Variants in EXOC4 observed in about 807,000 individuals in gnomAD.
EXOC4 encodes the protein SEC8-like 1.
A neutral mutation model predicts 107.2 loss-of-function variants in EXOC4; 71 were observed. The observed-to-expected ratio is 0.66, with a 90% CI of 0.55 to 0.81. EXOC4 has a LOEUF of 0.81. Among genes scored for constraint, EXOC4 ranks in the 30% least tolerant of loss-of-function variants. The pLI is 0.00. For synonymous variants in EXOC4, 456 were observed against 441.2 expected, an observed-to-expected ratio of 1.03 and a Z score of -0.42; for missense variants, 1,108 against 1,189.6, an observed-to-expected ratio of 0.93 and a Z score of 1.01.
chr7:133,502,691 G>A (rs756531041), intron 9 of EXOC4, among the ~76,000 whole-genome samples: 10 of 152,088 alleles, frequency 6.6e-5, no homozygotes, highest in South Asian at 2.1e-4. Context: ...TAAGGCAACC[G>A]CAGGTTTGCT....
At chr7:133,832,997 A>G (rs894439981) in intron 11 of EXOC4, among the ~76,000 whole-genome samples, 2 of 152,186 alleles carry the variant, frequency 1.3e-5, no homozygotes, top group Non-Finnish European at 2.9e-5. Context: ...GCTCTCCTAT[A>G]GAAAATATAA....
intron 10 of EXOC4, among the ~76,000 whole-genome samples, chr7:133,806,076 C>A (rs1166379846): frequency 6.6e-6 from 1 of 152,212 alleles, no homozygotes; most frequent in African/African-American, 2.4e-5. Context: ...ATAATTCTTT[C>A]ACTGGGGGTG....
intron 7 of EXOC4, among the ~76,000 whole-genome samples, chr7:133,458,170 C>T (rs1279019676): frequency 6.6e-6 from 1 of 152,146 alleles, no homozygotes; most frequent in East Asian, 1.9e-4. Flanking sequence ...TCATCTCATT[C>T]ATTATTGCAC....
At chr7:133,821,736 A>C (rs1372231498) in intron 11 of EXOC4, among the ~76,000 whole-genome samples, 2 of 152,222 alleles carry the variant, frequency 1.3e-5, no homozygotes, top group African/African-American at 2.4e-5. Context: ...CTTTTACCCC[A>C]GTGCCTAAAG....
chr7:133,493,484 A>G (rs1202215911), intron 9 of EXOC4, among the ~76,000 whole-genome samples: 4 of 152,216 alleles, frequency 2.6e-5, no homozygotes, highest in Non-Finnish European at 5.9e-5. Flanking sequence ...TTAAGTACAG[A>G]TAAATGTTAA....
intron 7 of EXOC4, among the ~76,000 whole-genome samples, chr7:133,425,831 C>A (rs1797713004): frequency 6.6e-6 from 1 of 152,194 alleles, no homozygotes; most frequent in Non-Finnish European, 1.5e-5. Flanking sequence ...GATCCCAGGT[C>A]TTTAGATAAA....
intron 10 of EXOC4, among the ~76,000 whole-genome samples, chr7:133,718,653 C>G (rs1331446762): frequency 1.3e-5 from 2 of 152,112 alleles, no homozygotes; most frequent in Non-Finnish European, 2.9e-5. Context: ...CTTAATGTCT[C>G]TAGGCCTTAG....
chr7:133,766,092 G>A (rs1031775486), intron 10 of EXOC4, among the ~76,000 whole-genome samples: 5 of 151,812 alleles, frequency 3.3e-5, no homozygotes, highest in African/African-American at 4.8e-5. Context: ...ATTCTCCAAC[G>A]CCCCTCCTTC....
chr7:133,750,044 G>T (rs1393542023), intron 10 of EXOC4, among the ~76,000 whole-genome samples: 1 of 147,838 alleles, frequency 6.8e-6, no homozygotes, highest in African/African-American at 2.5e-5. Flanking sequence ...ACCAAAATGG[G>T]ATTGCTTTAA....
At chr7:133,775,673 G>T (rs1003908653) in intron 10 of EXOC4, among the ~76,000 whole-genome samples, 3 of 152,118 alleles carry the variant, frequency 2.0e-5, no homozygotes, top group African/African-American at 7.2e-5. Flanking sequence ...AAATGTCTAA[G>T]AAAATGTACA....
At chr7:133,726,737 T>C (rs1795222960) in intron 10 of EXOC4, among the ~76,000 whole-genome samples, 1 of 152,210 alleles carries the variant, frequency 6.6e-6, no homozygotes, top group South Asian at 2.1e-4. Context: ...TCCACTTCTC[T>C]TCTAACCTGT....
At chr7:133,873,529 T>A (rs1004615969) in intron 11 of EXOC4, among the ~76,000 whole-genome samples, 2 of 152,186 alleles carry the variant, frequency 1.3e-5, no homozygotes, top group Admixed American at 6.5e-5. Flanking sequence ...ATGTTAAGTT[T>A]ATTTTCTTAG....
At chr7:133,609,842 T>G (rs1468424543) in intron 9 of EXOC4, among the ~76,000 whole-genome samples, 1 of 152,186 alleles carries the variant, frequency 6.6e-6, no homozygotes. Context: ...ATGGGTGTAG[T>G]TACACAACAG....
chr7:133,649,989 AT>A (rs1290797106), intron 10 of EXOC4, among the ~76,000 whole-genome samples: 1 of 152,168 alleles, frequency 6.6e-6, no homozygotes, highest in African/African-American at 2.4e-5. Flanking sequence ...GAAAGTTTAT[AT>A]TCCTAAGATT....
intron 7 of EXOC4, among the ~76,000 whole-genome samples, chr7:133,418,307 A>G (rs1050861295): frequency 1.3e-5 from 2 of 152,230 alleles, no homozygotes; most frequent in Non-Finnish European, 2.9e-5. Flanking sequence ...TGTGAAAGGA[A>G]TGGCAAAGTG....
At chr7:133,845,456 G>T (rs1359190033) in intron 11 of EXOC4, among the ~76,000 whole-genome samples, 1 of 147,676 alleles carries the variant, frequency 6.8e-6, no homozygotes, top group Non-Finnish European at 1.5e-5. Context: ...ATATATAAAA[G>T]AAATACAACG....
chr7:133,925,752 T>A (rs531311352), intron 13 of EXOC4, among the ~76,000 whole-genome samples: 29 of 152,222 alleles, frequency 1.9e-4, no homozygotes, highest in African/African-American at 7.0e-4. Context: ...TCTTGAAAGA[T>A]GCACAATAAA....
intron 7 of EXOC4, among the ~76,000 whole-genome samples, chr7:133,453,119 C>T (rs1319310940): frequency 6.6e-6 from 1 of 152,150 alleles, no homozygotes; most frequent in Non-Finnish European, 1.5e-5. Context: ...AATCTGTAGA[C>T]TGTGAGAATA....
intron 4 of EXOC4, among the ~76,000 whole-genome samples, chr7:133,306,701 TAA>T (rs528333685): frequency 2.1e-5 from 3 of 144,818 alleles, no homozygotes; most frequent in Non-Finnish European, 1.5e-5. Context: ...CCTGGTCTCT[TAA>T]AAAAAAAAAA....
Sources: allele counts gnomAD v4.1 joint callset (sites outside exome capture counted in the v4.1 genomes callset), GRCh38; gene constraint gnomAD v4.1.1; transcripts MANE v1.5; gene names NCBI Gene and HGNC (gene_info 2026-07-23, HGNC 2026-07-21).